The following YAP1 variants were observed in gnomAD, a reference collection of about 807,000 sequenced individuals.
YAP1 encodes transcriptional coactivator YAP1.
YAP1 carries 5 observed loss-of-function variants against 56.9 expected under a neutral mutation model. The ratio of observed to expected loss-of-function variants is 0.09; its 90% CI spans 0.05 to 0.18. The LOEUF (loss-of-function observed/expected upper bound fraction) is 0.18. YAP1 is among the 10% of genes least tolerant of loss of function. The pLI is 1.00. For missense variants in YAP1, 539 were observed against 651.8 expected (o/e 0.83, Z 1.88); for synonymous variants, 265 against 248.1 (o/e 1.07, Z -0.64).
intron 3 of YAP1, among the ~76,000 whole-genome samples, chr11:102,178,065 C>G (rs1261481958): frequency 6.6e-6 from 1 of 152,252 alleles, no homozygotes; most frequent in Admixed American, 6.5e-5. Flanking sequence ...GATTCCTCAT[C>G]TGTAAAGTGG....
chr11:102,172,471 A>C (rs9326322), intron 3 of YAP1, among the ~76,000 whole-genome samples: 144,393 of 144,396 alleles, frequency 1, 72,195 homozygotes, highest in Middle Eastern at 1. Flanking sequence ...GGCACCATGC[A>C]CAGCGTTTTT....
At chr11:102,205,843 C>A in intron 4 of YAP1, 50 bp from the exon 5 acceptor site, 1 of 1,430,806 alleles carries the variant, frequency 7.0e-7, no homozygotes, top group South Asian at 1.7e-5. Flanking sequence ...ATCATTTTAT[C>A]TTCCTTCACT....
intron 4 of YAP1, among the ~76,000 whole-genome samples, chr11:102,196,342 A>T (rs1244670279): frequency 1.3e-5 from 2 of 152,236 alleles, no homozygotes; most frequent in Admixed American, 1.3e-4. Flanking sequence ...TGAATGGGCT[A>T]ACAAAATGTG....
intron 4 of YAP1, among the ~76,000 whole-genome samples, chr11:102,200,444 CT>C (rs200365533): frequency 0.071 from 9,308 of 131,040 alleles, 748 homozygotes; most frequent in African/African-American, 0.22. Context: ...AAAGAATAAG[CT>C]TTTTTTTTTT....
intron 3 of YAP1, among the ~76,000 whole-genome samples, chr11:102,176,825 G>C (rs1296686369): frequency 6.7e-6 from 1 of 149,320 alleles, no homozygotes; most frequent in Non-Finnish European, 1.5e-5. Context: ...GAGGACACAG[G>C]CTTTGGGGTG....
chr11:102,205,699 C>A (rs1410064295), intron 4 of YAP1, among the ~76,000 whole-genome samples, 194 bp from the exon 5 acceptor site: 2 of 151,902 alleles, frequency 1.3e-5, no homozygotes, highest in African/African-American at 4.8e-5. Context: ...TTATGACTTC[C>A]TTGTATCTTG....
intron 3 of YAP1, among the ~76,000 whole-genome samples, chr11:102,171,884 T>A (rs2135439623): frequency 6.6e-6 from 1 of 152,290 alleles, no homozygotes; most frequent in South Asian, 2.1e-4. Flanking sequence ...TTTTTTTATA[T>A]TACCATAAAA....
At chr11:102,209,589 C>T in intron 6 of YAP1, 25 bp downstream of exon 6, 1 of 1,497,236 alleles carries the variant, frequency 6.7e-7, no homozygotes, top group Admixed American at 2.5e-5. Context: ...GATGTTTTAG[C>T]ACTGGAAAAA....
rs372464026 is a variant in YAP1, at chr11:102,206,044, G to A, written c.954G>A (p.Leu318=). The change falls in exon 5 of 9, where the codon CTG becomes CTA. Residue 318 remains leucine (L), a synonymous_variant. Transcript: ENST00000282441. ...LQQLQMEKER[L]RLKQQELLRQ... is the part of the protein sequence containing the mutation. ...AACTGCAGATGGAGAAGGAGAGGCTGCGGCTGAAACAGCAAGAACTGCTTC... is the reference window on the plus strand; with the variant it reads ...AACTGCAGATGGAGAAGGAGAGGCTACGGCTGAAACAGCAAGAACTGCTTC... 2 of 1,613,888 alleles carry A rather than the reference G, an allele frequency of 1.2e-6. No individual in the cohort carries two copies. The highest frequency in any genetic ancestry group is 1.7e-6 in the Non-Finnish European group (2 of 1,179,950).
intron 3 of YAP1, among the ~76,000 whole-genome samples, chr11:102,175,992 G>A (rs1048597301): frequency 1.3e-5 from 2 of 152,086 alleles, no homozygotes; most frequent in African/African-American, 4.8e-5. Context: ...ATTGTTTAAG[G>A]CATATATGGT....
intron 2 of YAP1, among the ~76,000 whole-genome samples, chr11:102,131,991 G>A (rs537924074): frequency 7.2e-5 from 11 of 152,238 alleles, no homozygotes; most frequent in African/African-American, 2.2e-4. Context: ...AGTGGTGTGC[G>A]CCTGTTGTCC....
At chr11:102,133,973 G>A (rs11603468) in intron 2 of YAP1, among the ~76,000 whole-genome samples, 75,634 of 151,966 alleles carry the variant, frequency 0.5, 20,873 homozygotes, top group South Asian at 0.67. Flanking sequence ...ACACTGTCAT[G>A]TCATTTTTTT....
At chr11:102,111,229 C>T (rs1942881008) in intron 1 of YAP1, 60 bp downstream of exon 1, 2 of 1,592,440 alleles carry the variant, frequency 1.3e-6, no homozygotes, top group Non-Finnish European at 1.7e-6. Context: ...CGGGGGGGCG[C>T]TCGGGAGCCG....
chr11:102,168,492 G>A (rs1020992401), intron 3 of YAP1, among the ~76,000 whole-genome samples: 1 of 152,062 alleles, frequency 6.6e-6, no homozygotes, highest in Non-Finnish European at 1.5e-5. Context: ...TTATTTATAT[G>A]CTTTAAAGTT....
chr11:102,189,644 G>A lies in YAP1; in HGVS notation c.802+3513G>A, dbSNP rs113585523. 5.4e-3 allele frequency among the ~76,000 whole-genome samples: 823 copies of A among 152,296 alleles called. 6 individuals carry two copies. Among genetic ancestry groups the A allele is most frequent in the African/African-American group, 0.019 (789 of 41,562 alleles). On this transcript the variant is annotated intron_variant, in intron 4 of 8. Coordinates refer to ENST00000282441, the MANE Select transcript of YAP1 (RefSeq NM_001130145.3). ...GCACAGAAATTCTATGTGTAGAAATGTCAGAGGTATTAAACCTCATAGGTT... is the reference window on the plus strand; with the variant it reads ...GCACAGAAATTCTATGTGTAGAAATATCAGAGGTATTAAACCTCATAGGTT...
At chr11:102,126,661 G>C (rs144773479) in intron 2 of YAP1, among the ~76,000 whole-genome samples, 11 of 152,264 alleles carry the variant, frequency 7.2e-5, no homozygotes, top group African/African-American at 2.4e-4. Flanking sequence ...AACTAATACA[G>C]TACATTGGTA....
chr11:102,113,078 T>C (rs868000987), intron 1 of YAP1, among the ~76,000 whole-genome samples: 1 of 152,224 alleles, frequency 6.6e-6, no homozygotes, highest in Non-Finnish European at 1.5e-5. Flanking sequence ...ATCATACTTA[T>C]TCTGATGGGA....
chr11:102,131,341 C>T (rs747257600), intron 2 of YAP1, among the ~76,000 whole-genome samples: 40 of 152,150 alleles, frequency 2.6e-4, no homozygotes, highest in Admixed American at 4.6e-4. Flanking sequence ...ATGTAGCAGG[C>T]GTTGTTCTGG....
intron 2 of YAP1, among the ~76,000 whole-genome samples, chr11:102,161,206 C>T (rs185939768): frequency 2.6e-4 from 39 of 151,510 alleles, no homozygotes; most frequent in Non-Finnish European, 4.7e-4. Context: ...GGACTACAGG[C>T]GCCCGCCACC....
Sources: gnomAD v4.1 joint callset for allele counts (sites outside exome capture counted in the v4.1 genomes callset) on GRCh38, gnomAD v4.1.1 for gene constraint, MANE v1.5 for transcripts, NCBI Gene and HGNC (gene_info 2026-07-23, HGNC 2026-07-21) for gene names.